COL6A6: variants seen among roughly 807,000 people sequenced by gnomAD.
The protein encoded by COL6A6 is collagen type VI alpha 6 chain, also known as collagen alpha-6(VI) chain.
Under a neutral mutation model 208.6 loss-of-function variants are expected in COL6A6, and 183 were observed. That is an observed-to-expected ratio of 0.88 (90% CI 0.78 to 0.99). The LOEUF is 0.99. Ranked by LOEUF, COL6A6 falls within the 50% of genes least tolerant of loss-of-function variation. The pLI is 0.00. For synonymous variants in COL6A6, 973 were observed against 1,011.8 expected (o/e 0.96, Z 0.73); for missense variants, 2,816 against 2,815.2 (o/e 1.00, Z -0.01).
At chr3:130,613,143 C>T (rs1313877523) in intron 23 of COL6A6, among the ~76,000 whole-genome samples, 1 of 152,042 alleles carries the variant, frequency 6.6e-6, no homozygotes, top group Non-Finnish European at 1.5e-5. Context: ...TTTTATGCTT[C>T]TAGATTTTAC....
intron 23 of COL6A6, among the ~76,000 whole-genome samples, chr3:130,614,559 T>C (rs756249030): frequency 6.6e-6 from 1 of 152,110 alleles, no homozygotes; most frequent in Non-Finnish European, 1.5e-5. Flanking sequence ...TACCTCACCT[T>C]TTAGGAATAG....
chr3:130,568,109 G>A lies in COL6A6; in HGVS notation c.1906G>A (p.Glu636Lys), dbSNP rs2063072199. 6.2e-7 allele frequency: 1 copy of A among 1,613,880 alleles called. No homozygotes were observed. The highest frequency in any genetic ancestry group is 1.3e-5 in the African/African-American group (1 of 74,916). Reference sequence around the variant, plus strand: ...GGACAGTTCTGGAAGTATAGGACCTGAAAACTTCAGCAAAATGAAAACATT... The same window carrying A: ...GGACAGTTCTGGAAGTATAGGACCTAAAAACTTCAGCAAAATGAAAACATT... ...LVDSSGSIGP[E>K]NFSKMKTFMK... The change falls in exon 6 of 37, where the codon GAA (glutamate) becomes AAA (lysine). Residue 636 changes from glutamate (E) to lysine (K), a missense_variant. Glu to Lys is a moderately conservative substitution (Grantham distance 56, BLOSUM62 1). Coordinates refer to ENST00000358511, the MANE Select transcript of COL6A6 (RefSeq NM_001102608.3).
intron 8 of COL6A6, among the ~76,000 whole-genome samples, chr3:130,578,229 T>A (rs2063339797): frequency 6.6e-6 from 1 of 152,184 alleles, no homozygotes; most frequent in Non-Finnish European, 1.5e-5. Context: ...GAGCAAAAGA[T>A]TAGTCTCATT....
At chr3:130,637,974 A>G (rs1301680907) in intron 28 of COL6A6, among the ~76,000 whole-genome samples, 1 of 152,044 alleles carries the variant, frequency 6.6e-6, no homozygotes, top group Non-Finnish European at 1.5e-5. Context: ...CCTACCCACT[A>G]GATTCCAGCA....
intron 26 of COL6A6, among the ~76,000 whole-genome samples, chr3:130,628,209 A>G (rs1305413861): frequency 6.6e-6 from 1 of 152,218 alleles, no homozygotes; most frequent in African/African-American, 2.4e-5. Context: ...TTCCAGTGAA[A>G]TGTTCATTAG....
At chr3:130,658,906 C>T (rs952892255) in intron 34 of COL6A6, 134 bp downstream of exon 34, 2 of 627,506 alleles carry the variant, frequency 3.2e-6, no homozygotes, top group Non-Finnish European at 5.7e-6. Context: ...TCTGGGCCCA[C>T]CCTGTCACAC....
chr3:130,536,531 C>T (rs937908), intron 1 of COL6A6, among the ~76,000 whole-genome samples: 5,002 of 152,178 alleles, frequency 0.033, 121 homozygotes, highest in Non-Finnish European at 0.049. Flanking sequence ...TGGGAGTAGA[C>T]GGGTAGAGAA....
intron 10 of COL6A6, among the ~76,000 whole-genome samples, chr3:130,583,478 T>C (rs776391688): frequency 2.6e-5 from 4 of 152,238 alleles, no homozygotes; most frequent in Non-Finnish European, 5.9e-5. Context: ...TTCCAGGAAG[T>C]GCTTTGGAAT....
At chr3:130,640,988 A>C (rs922195936) in intron 28 of COL6A6, among the ~76,000 whole-genome samples, 3 of 152,244 alleles carry the variant, frequency 2.0e-5, no homozygotes, top group Admixed American at 2.0e-4. Context: ...ATATAACTTT[A>C]TAATAGCATT....
chr3:130,637,464 AT>A (rs986952027), intron 28 of COL6A6, among the ~76,000 whole-genome samples: 3 of 151,386 alleles, frequency 2.0e-5, no homozygotes, highest in South Asian at 2.1e-4. Flanking sequence ...ATGTTTGAAA[AT>A]TTTTTTTTCT....
intron 33 of COL6A6, among the ~76,000 whole-genome samples, chr3:130,656,398 G>A (rs531745933): frequency 1.8e-4 from 27 of 150,500 alleles, no homozygotes; most frequent in Non-Finnish European, 3.2e-4. Flanking sequence ...GTCTCCTGAT[G>A]AGTGTCTGGC....
At position 130,574,041 on chromosome 3, in the gene COL6A6, A is replaced by G. The variant is rs760795842; in HGVS notation, c.3063A>G (p.Glu1021=). 7 of 1,613,810 alleles carry G rather than the reference A, an allele frequency of 4.3e-6. No individual in the cohort carries two copies. The African/African-American group carries it at 8.0e-5, about 18-fold the overall frequency. The part of the protein sequence containing the change: ...IQPNDFKKMK[E]FLASVVQDFD... Reference sequence around the variant, plus strand: ...CAAATGACTTCAAGAAAATGAAGGAATTTCTGGCATCTGTTGTTCAAGACT... The same window carrying G: ...CAAATGACTTCAAGAAAATGAAGGAGTTTCTGGCATCTGTTGTTCAAGACT... Residue 1021 remains glutamate, a synonymous_variant, in exon 8 of 37, where the codon GAA becomes GAG. Coordinates refer to ENST00000358511, the MANE Select transcript of COL6A6 (RefSeq NM_001102608.3).
intron 28 of COL6A6, among the ~76,000 whole-genome samples, chr3:130,639,710 A>G (rs6802300): frequency 0.36 from 52,384 of 146,546 alleles, 12,480 homozygotes; most frequent in African/African-American, 0.65. Flanking sequence ...AAAAAAAAAA[A>G]TGACTGATTG....
intron 13 of COL6A6, among the ~76,000 whole-genome samples, chr3:130,591,787 G>A (rs1193201193): frequency 6.6e-6 from 1 of 152,228 alleles, no homozygotes; most frequent in Non-Finnish European, 1.5e-5. Context: ...GCAAAGGAGT[G>A]TGGCAGAACA....
chr3:130,599,753 A>C lies in COL6A6; in HGVS notation c.4600-4A>C, dbSNP rs532022863. On this transcript the variant is annotated splice_region_variant and splice_polypyrimidine_tract_variant and intron_variant, in intron 19 of 36. Coordinates refer to ENST00000358511, the MANE Select transcript of COL6A6 (RefSeq NM_001102608.3). ...CGTCACACATCTGTCTGTTCCTTTG[A>C]CAGGGCAGAAGAGGCTGGCCAGGCC... 9 of 1,613,616 alleles carry C rather than the reference A, an allele frequency of 5.6e-6. No homozygotes were observed. Among genetic ancestry groups the C allele is most frequent in the African/African-American group, 4.0e-5 (3 of 74,932 alleles).
intron 10 of COL6A6, among the ~76,000 whole-genome samples, chr3:130,583,674 T>C (rs1203506892): frequency 6.6e-6 from 1 of 152,240 alleles, no homozygotes; most frequent in East Asian, 1.9e-4. Flanking sequence ...TGACCATCTT[T>C]GACATGGTTG....
intron 1 of COL6A6, among the ~76,000 whole-genome samples, chr3:130,518,652 A>G (rs1346016654): frequency 6.6e-6 from 1 of 152,156 alleles, no homozygotes; most frequent in Non-Finnish European, 1.5e-5. Context: ...GATTACAGGC[A>G]TGAGCCACCA....
chr3:130,606,342 A>G (rs2064182615), intron 20 of COL6A6, among the ~76,000 whole-genome samples: 2 of 152,152 alleles, frequency 1.3e-5, no homozygotes, highest in African/African-American at 4.8e-5. Flanking sequence ...TTTTGATTGA[A>G]TATTAATATA....
At chr3:130,592,437 A>G (rs2063739954) in intron 13 of COL6A6, 104 bp from the exon 14 acceptor site, 2 of 799,632 alleles carry the variant, frequency 2.5e-6, no homozygotes, top group Admixed American at 2.5e-5. Flanking sequence ...ATTGTGAACC[A>G]TGAGCATTCA....
Sources: allele counts gnomAD v4.1 joint callset (sites outside exome capture counted in the v4.1 genomes callset), GRCh38; gene constraint gnomAD v4.1.1; transcripts MANE v1.5; gene names NCBI Gene and HGNC (gene_info 2026-07-23, HGNC 2026-07-21).